ADAMTS6: variants seen among roughly 807,000 people sequenced by gnomAD.
ADAMTS6 encodes the protein A disintegrin and metalloproteinase with thrombospondin motifs 6.
ADAMTS6 carries 23 observed loss-of-function variants against 144.3 expected under a neutral mutation model. The ratio of observed to expected loss-of-function variants is 0.16; its 90% CI spans 0.11 to 0.23. The LOEUF is 0.23. ADAMTS6 is among the 10% of genes least tolerant of loss of function. ADAMTS6 has a pLI of 1.00. For synonymous variants in ADAMTS6, 444 were observed against 457.5 expected, an observed-to-expected ratio of 0.97 and a Z score of 0.38; for missense variants, 999 against 1,379.6, an observed-to-expected ratio of 0.72 and a Z score of 4.37.
chr5:65,180,750 A>G (rs1754298176), intron 22 of ADAMTS6, among the ~76,000 whole-genome samples: 1 of 152,182 alleles, frequency 6.6e-6, no homozygotes, highest in Non-Finnish European at 1.5e-5. Flanking sequence ...CAAGATAAAA[A>G]TTCAAACTCT....
intron 7 of ADAMTS6, among the ~76,000 whole-genome samples, chr5:65,440,524 T>C (rs922610005): frequency 6.6e-6 from 1 of 152,150 alleles, no homozygotes; most frequent in Non-Finnish European, 1.5e-5. Context: ...AGTTAAAATT[T>C]ACAGGACTAA....
chr5:65,261,190 T>C (rs1335491709), intron 13 of ADAMTS6, among the ~76,000 whole-genome samples: 2 of 152,142 alleles, frequency 1.3e-5, no homozygotes, highest in African/African-American at 4.8e-5. Context: ...TATTTCAAAA[T>C]AGTCCATGAA....
At chr5:65,323,863 G>T (rs925253781) in intron 9 of ADAMTS6, among the ~76,000 whole-genome samples, 24 of 152,172 alleles carry the variant, frequency 1.6e-4, no homozygotes, top group African/African-American at 5.5e-4. Flanking sequence ...TTTCTCTGAT[G>T]GCCAGTGATG....
chr5:65,265,850 G>A (rs1761579668), intron 12 of ADAMTS6, among the ~76,000 whole-genome samples: 1 of 151,514 alleles, frequency 6.6e-6, no homozygotes, highest in South Asian at 2.1e-4. Flanking sequence ...AGTAGAAAAG[G>A]GATTATCTGT....
intron 21 of ADAMTS6, among the ~76,000 whole-genome samples, chr5:65,196,269 G>A (rs891411074): frequency 9.2e-5 from 14 of 152,046 alleles, no homozygotes; most frequent in Non-Finnish European, 2.1e-4. Flanking sequence ...GGGCACGGTG[G>A]CTCATGCCTG....
intron 9 of ADAMTS6, among the ~76,000 whole-genome samples, chr5:65,306,433 T>C (rs1311719147): frequency 6.6e-6 from 1 of 152,212 alleles, no homozygotes; most frequent in Non-Finnish European, 1.5e-5. Flanking sequence ...ATTCCCGCAA[T>C]TGCTTTTGCA....
chr5:65,395,589 AGCTTTTAGAAATTC>A (rs1038642401), intron 7 of ADAMTS6, among the ~76,000 whole-genome samples: 15 of 152,312 alleles, frequency 9.8e-5, no homozygotes, highest in Admixed American at 7.2e-4. Flanking sequence ...CAAAAAAACA[AGCTTTTAGAAATTC>A]TATGCCCTGT....
At chr5:65,170,247 T>G (rs1252112716) in intron 24 of ADAMTS6, among the ~76,000 whole-genome samples, 1 of 152,216 alleles carries the variant, frequency 6.6e-6, no homozygotes, top group Admixed American at 6.5e-5. Flanking sequence ...AGAGATCCAC[T>G]GTCATATCCA....
intron 22 of ADAMTS6, among the ~76,000 whole-genome samples, chr5:65,173,567 G>C (rs1158666159): frequency 6.6e-6 from 1 of 152,138 alleles, no homozygotes; most frequent in East Asian, 1.9e-4. Context: ...TTGTTCTTTA[G>C]AACTGGGTCT....
At chr5:65,233,866 CTGATTT>C (rs1758449731) in intron 15 of ADAMTS6, among the ~76,000 whole-genome samples, 1 of 152,014 alleles carries the variant, frequency 6.6e-6, no homozygotes, top group South Asian at 2.1e-4. Flanking sequence ...ATCACACTTC[CTGATTT>C]TGAACTATAT....
At chr5:65,158,666 G>T (rs1344360402) in intron 24 of ADAMTS6, among the ~76,000 whole-genome samples, 1 of 152,158 alleles carries the variant, frequency 6.6e-6, no homozygotes, top group Non-Finnish European at 1.5e-5. Flanking sequence ...TACCCAGGGT[G>T]GCTTTAATTC....
At chr5:65,197,755 G>A (rs890435364) in intron 20 of ADAMTS6, among the ~76,000 whole-genome samples, 1 of 152,062 alleles carries the variant, frequency 6.6e-6, no homozygotes, top group African/African-American at 2.4e-5. Context: ...CTGTTTATTC[G>A]AACAGAGTTG....
chr5:65,429,428 T>G (rs749767541), intron 7 of ADAMTS6, among the ~76,000 whole-genome samples: 6 of 152,202 alleles, frequency 3.9e-5, no homozygotes, highest in Non-Finnish European at 8.8e-5. Context: ...ATTAATGATG[T>G]GATTAATATG....
chr5:65,282,753 G>A lies in ADAMTS6; in HGVS notation c.1512+8576C>T, dbSNP rs116363386. On this transcript the variant is annotated intron_variant, in intron 11 of 24. Coordinates refer to ENST00000381055, the MANE Select transcript of ADAMTS6 (RefSeq NM_197941.4). ...TCTGTTTTAATGATAATGTTGGTCA[G>A]CTGTACCTTCCAAAGAGAGGACGGT... 2.0e-3 allele frequency among the ~76,000 whole-genome samples: 311 copies of A among 152,116 alleles called. 2 individuals are homozygous for A. The highest frequency in any genetic ancestry group is 7.2e-3 in the African/African-American group (298 of 41,492).
chr5:65,365,170 A>G (rs987941183), intron 7 of ADAMTS6, among the ~76,000 whole-genome samples: 1 of 152,100 alleles, frequency 6.6e-6, no homozygotes, highest in Non-Finnish European at 1.5e-5. Flanking sequence ...TTTGTTAATT[A>G]TATACTCCAG....
chr5:65,358,464 C>T (rs554981727), intron 7 of ADAMTS6, among the ~76,000 whole-genome samples: 2 of 152,066 alleles, frequency 1.3e-5, no homozygotes, highest in African/African-American at 4.8e-5. Context: ...AAGCAATATA[C>T]AGATTCTATA....
At chr5:65,407,247 T>TA (rs1754603273) in intron 7 of ADAMTS6, among the ~76,000 whole-genome samples, 1 of 151,942 alleles carries the variant, frequency 6.6e-6, no homozygotes, top group Non-Finnish European at 1.5e-5. Flanking sequence ...AAGGTCGGGT[T>TA]ACCCACAAAG....
intron 23 of ADAMTS6, among the ~76,000 whole-genome samples, chr5:65,171,805 T>TCC (rs759263655): frequency 2.4e-4 from 36 of 152,058 alleles, no homozygotes; most frequent in Non-Finnish European, 4.4e-5. Context: ...TGAGCGTGTC[T>TCC]CCCTCTCCTT....
chr5:65,305,705 C>G (rs1031264826), intron 9 of ADAMTS6, among the ~76,000 whole-genome samples: 1 of 152,038 alleles, frequency 6.6e-6, no homozygotes, highest in Admixed American at 6.6e-5. Flanking sequence ...TAATGATTCT[C>G]ATTTGTGGAG....
Sources: allele counts gnomAD v4.1 joint callset (sites outside exome capture counted in the v4.1 genomes callset), GRCh38; gene constraint gnomAD v4.1.1; transcripts MANE v1.5; gene names NCBI Gene and HGNC (gene_info 2026-07-23, HGNC 2026-07-21).